S1PR1: variants seen among roughly 807,000 people sequenced by gnomAD.
S1PR1 encodes sphingosine 1-phosphate receptor 1.
A neutral mutation model predicts 18.3 loss-of-function variants in S1PR1; 2 were observed. The ratio of observed to expected loss-of-function variants is 0.11; its 90% CI spans 0.04 to 0.34. S1PR1 has a LOEUF of 0.34. S1PR1 is among the 10% of genes least tolerant of loss of function. The probability of loss-of-function intolerance (pLI) is 1.00; values close to 1 mark genes in which losing one functional copy is unlikely to be tolerated. For missense variants in S1PR1, 335 were observed against 493.8 expected (o/e 0.68, Z 3.05); for synonymous variants, 222 against 211.2 (o/e 1.05, Z -0.44).
At chr1:101,237,693 T>A (rs1411017) in intron 1 of S1PR1, among the ~76,000 whole-genome samples, 1 of 152,020 alleles carries the variant, frequency 6.6e-6, no homozygotes, top group Non-Finnish European at 1.5e-5. Flanking sequence ...AGGAGAGGAG[T>A]CAACGTGTTG....
chr1:101,237,921 T>C (rs1652760240), intron 1 of S1PR1, among the ~76,000 whole-genome samples: 1 of 148,674 alleles, frequency 6.7e-6, no homozygotes, highest in Admixed American at 6.8e-5. Context: ...GTACGAAACT[T>C]CTGGGATTTG....
intron 1 of S1PR1, 136 bp from the exon 2 acceptor site, chr1:101,238,686 T>C: frequency 6.1e-6 from 2 of 328,716 alleles, no homozygotes. Context: ...TTAAAAAAAA[T>C]CTCTCTCCCT....
chr1:101,237,289 T>C (rs143487740), intron 1 of S1PR1, among the ~76,000 whole-genome samples, 190 bp downstream of exon 1: 10 of 152,324 alleles, frequency 6.6e-5, no homozygotes, highest in Non-Finnish European at 1.3e-4. Flanking sequence ...TCTTGGGCAC[T>C]TGTGATTTAT....
chr1:101,239,023 C>A lies in S1PR1; in HGVS notation c.39C>A (p.Arg13=). Residue 13 remains arginine (R), a synonymous_variant, in exon 2 of 2, where the codon CGC becomes CGA. Transcript: ENST00000305352. This position sits in a 1 kb window ranked among gnomAD's most constrained non-coding sequence, Gnocchi z 6.3. ...PTSVPLVKAH[R]SSVSDYVNYD... ...GCGTCCCGCTGGTCAAGGCCCACCGCAGCTCGGTCTCTGACTACGTCAACT... is the reference window on the plus strand; with the variant it reads ...GCGTCCCGCTGGTCAAGGCCCACCGAAGCTCGGTCTCTGACTACGTCAACT... 6.2e-7 allele frequency: 1 copy of A among 1,614,212 alleles called. No homozygotes were observed. Among genetic ancestry groups the A allele is most frequent in the Non-Finnish European group, 8.5e-7 (1 of 1,180,004 alleles).
Position 101,240,064 on chromosome 1 carries a change from C to G in S1PR1, c.1080C>G (p.His360Gln). 1 of 1,613,624 alleles carries G rather than the reference C, an allele frequency of 6.2e-7. No homozygotes were observed. The highest frequency in any genetic ancestry group is 8.5e-7 in the Non-Finnish European group (1 of 1,180,036). The change falls in exon 2 of 2, where the codon CAC becomes CAG. Residue 360 changes from histidine to glutamine, a missense_variant. Physicochemically the swap from His to Gln is conservative, Grantham distance 24 (BLOSUM62 0). Transcript: ENST00000305352. ...FSRSKSDNSS[H>Q]PQKDEGDNPE... ...GCAGCAAATCGGACAATTCCTCCCA[C>G]CCCCAGAAAGACGAAGGGGACAACC...
At position 101,240,734 on chromosome 1, in the gene S1PR1, G is replaced by A. The variant is rs1652863966; in HGVS notation, c.*601G>A. ...AGTACGTAGGCTGTGGGAAGATGAAGATGGTTTGGAGGTGTAAAACAATGT... is the reference window on the plus strand; with the variant it reads ...AGTACGTAGGCTGTGGGAAGATGAAAATGGTTTGGAGGTGTAAAACAATGT... On this transcript the variant is annotated 3_prime_UTR_variant, in exon 2 of 2. Transcript: ENST00000305352. The A allele has an allele frequency of 6.0e-6, 1 of 167,960 alleles. No individual in the cohort carries two copies. Among genetic ancestry groups the A allele is most frequent in the African/African-American group, 2.4e-5 (1 of 41,454 alleles). The allele number at this position is 167,960 out of a possible 1,614,324, so 10.4% of individuals were successfully genotyped here.
intron 1 of S1PR1, among the ~76,000 whole-genome samples, chr1:101,237,897 T>C (rs17100952): frequency 0.043 from 6,560 of 151,752 alleles, 489 homozygotes; most frequent in African/African-American, 0.15. Flanking sequence ...AAAATATTTA[T>C]GCAATCAACT....
Position 101,238,832 on chromosome 1 carries a change from C to T in S1PR1, c.-153C>T. 1 of 703,458 alleles carries T rather than the reference C, an allele frequency of 1.4e-6. No individual in the cohort carries two copies. Among genetic ancestry groups the T allele is most frequent in the South Asian group, 1.9e-5 (1 of 52,284 alleles). 43.6% of individuals were successfully genotyped at this position (703,458 alleles called of 1,614,324 possible). On this transcript the variant is annotated 5_prime_UTR_variant, in exon 2 of 2. Transcript: ENST00000305352. ...TCTGACTTGTTTAAGGCTGCGGTTT[C>T]CGAGGCCCTCTCCAGCCAAGGAAAA... is the stretch of plus-strand genomic sequence containing the variant.
chr1:101,238,495 A>C (rs1652780004), intron 1 of S1PR1, among the ~76,000 whole-genome samples: 1 of 149,164 alleles, frequency 6.7e-6, no homozygotes, highest in Non-Finnish European at 1.5e-5. Flanking sequence ...TAGGTTTCCC[A>C]TTCCTCCCAC....
downstream of S1PR1, among the ~76,000 whole-genome samples, chr1:101,241,746 C>T (rs941478823): frequency 6.6e-6 from 1 of 152,144 alleles, no homozygotes; most frequent in African/African-American, 2.4e-5. Flanking sequence ...ATAAAAACCA[C>T]CAACCTTCTG....
rs200122634 is a variant in S1PR1 at position 101,237,080 on chromosome 1, C to T, written c.-183C>T. On this transcript the variant is annotated 5_prime_UTR_variant, in exon 1 of 2. Coordinates refer to ENST00000305352, the MANE Select transcript of S1PR1 (RefSeq NM_001400.5). The stretch of plus-strand genomic sequence containing the variant: ...CAGATCCCGGGCTCTCCGAACGCAA[C>T]TTCGCCCTGCTTGAGCGAGGTAGGG... The T allele has an allele frequency of 6.6e-6, 1 of 152,292 alleles. No homozygotes were observed. Among genetic ancestry groups the T allele is most frequent in the Non-Finnish European group, 1.5e-5 (1 of 68,038 alleles). The allele number at this position is 152,292 out of a possible 1,614,324, so 9.4% of individuals were successfully genotyped here.
Position 101,240,158 on chromosome 1 carries a change from A to C in S1PR1, c.*25A>C. ...GAACTGGAAGCTGTCCACCCACCGG[A>C]AGCGCTCTTTACTTGGTCGCTGGCC... is the stretch of plus-strand genomic sequence containing the variant. On this transcript the variant is annotated 3_prime_UTR_variant, in exon 2 of 2. Coordinates refer to ENST00000305352, the MANE Select transcript of S1PR1 (RefSeq NM_001400.5). 1 of 1,612,580 alleles carries C rather than the reference A, an allele frequency of 6.2e-7. No homozygotes were observed. The highest frequency in any genetic ancestry group is 8.5e-7 in the Non-Finnish European group (1 of 1,179,752).
chr1:101,239,673 C>A lies in S1PR1; in HGVS notation c.689C>A (p.Thr230Asn), dbSNP rs757624744. ...TGCAGAATCTACTCCTTGGTCAGGA[C>A]TCGGAGCCGCCGCCTGACGTTCCGC... ...LYCRIYSLVR[T>N]RSRRLTFRKN... is the part of the protein sequence containing the mutation. The change falls in exon 2 of 2, where the codon ACT becomes AAT. Residue 230 changes from threonine (T) to asparagine (N), a missense_variant. Coordinates refer to ENST00000305352, the MANE Select transcript of S1PR1 (RefSeq NM_001400.5). This position sits in a 1 kb window ranked among gnomAD's most constrained non-coding sequence, Gnocchi z 6.3. The A allele has an allele frequency of 6.2e-7, 1 of 1,614,142 alleles. No individual in the cohort carries two copies. Among genetic ancestry groups the A allele is most frequent in the Admixed American group, 1.7e-5 (1 of 60,028 alleles).
upstream of S1PR1, chr1:101,237,018 C>G (rs1652707116): frequency 2.0e-5 from 3 of 152,328 alleles, no homozygotes; most frequent in South Asian, 6.2e-4. Flanking sequence ...ACTACGCAGT[C>G]AGTCGGGGGC....
Position 101,240,126 on chromosome 1 carries a change from C to T in S1PR1, c.1142C>T (p.Ser381Phe). The part of the protein sequence containing the change: ...TIMSSGNVNS[S>F]S Reference sequence around the variant, plus strand: ...ATGTCTTCTGGAAACGTCAACTCTTCTTCCTAGAACTGGAAGCTGTCCACC... The same window carrying T: ...ATGTCTTCTGGAAACGTCAACTCTTTTTCCTAGAACTGGAAGCTGTCCACC... The change falls in exon 2 of 2, where the codon TCT becomes TTT. Residue 381 changes from serine (S) to phenylalanine (F), a missense_variant. Physicochemically the swap from Ser to Phe is radical, Grantham distance 155. This residue lies in a region of S1PR1 where 90 missense variants were observed against 97.6 expected (regional missense o/e 0.92). Transcript: ENST00000305352. 1 of 1,613,106 alleles carries T rather than the reference C, an allele frequency of 6.2e-7. No individual in the cohort carries two copies. The highest frequency in any genetic ancestry group is 8.5e-7 in the Non-Finnish European group (1 of 1,180,046).
In S1PR1 at chr1:101,239,989, C is replaced by T; in HGVS notation, c.1005C>T (p.Asp335=). 1 of 1,614,142 alleles carries T rather than the reference C, an allele frequency of 6.2e-7. No homozygotes were observed. The highest frequency in any genetic ancestry group is 8.5e-7 in the Non-Finnish European group (1 of 1,180,032). ...IMSCCKCPSG[D]SAGKFKRPII... ...CCTGCTGCAAGTGCCCGAGCGGAGA[C>T]TCTGCTGGCAAATTCAAGCGACCCA... is the stretch of plus-strand genomic sequence containing the variant. Residue 335 remains aspartate (D), a synonymous_variant, in exon 2 of 2, where the codon GAC becomes GAT. Coordinates refer to ENST00000305352, the MANE Select transcript of S1PR1 (RefSeq NM_001400.5). The surrounding 1 kb of genome is among the most constrained non-coding windows in gnomAD (Gnocchi z 6.3).
In S1PR1 at chr1:101,240,216, C is replaced by A; in HGVS notation, c.*83C>A. On this transcript the variant is annotated 3_prime_UTR_variant, in exon 2 of 2. Transcript: ENST00000305352. ...TGTTTGGAAAAAAATCTCTGGGCTT[C>A]GACTGCTGCCAGGGAGGAGCTGCTG... The A allele has an allele frequency of 6.9e-7, 1 of 1,447,950 alleles. No individual in the cohort carries two copies. Among genetic ancestry groups the A allele is most frequent in the South Asian group, 1.2e-5 (1 of 81,334 alleles). 89.7% of individuals were successfully genotyped at this position (1,447,950 alleles called of 1,614,324 possible).
rs1652854450 is a variant in S1PR1, at chr1:101,240,479, G to A, written c.*346G>A. The A allele has an allele frequency of 3.3e-6, 1 of 300,146 alleles. No individual in the cohort carries two copies. Among genetic ancestry groups the A allele is most frequent in the South Asian group, 5.6e-5 (1 of 17,984 alleles). The allele number at this position is 300,146 out of a possible 1,614,324, so 18.6% of individuals were successfully genotyped here. A position where few individuals can be genotyped will look rare whatever the true frequency, so the allele number is the denominator to read the frequency against. On this transcript the variant is annotated 3_prime_UTR_variant, in exon 2 of 2. Transcript: ENST00000305352. ...AAGACTAATGTCCCCATGTGAAAGC[G>A]TCTCTTTGTCTGGAGCTTTGAGGAG... is the stretch of plus-strand genomic sequence containing the variant.
intron 1 of S1PR1, 127 bp downstream of exon 1, chr1:101,237,226 C>G (rs1387249381): frequency 6.6e-6 from 1 of 152,170 alleles, no homozygotes; most frequent in Non-Finnish European, 1.5e-5. Context: ...CATCTCCGGG[C>G]GCTGAAAATT....
Sources: allele counts gnomAD v4.1 joint callset (sites outside exome capture counted in the v4.1 genomes callset), GRCh38; gene constraint gnomAD v4.1.1; regional missense constraint gnomAD v4.1.1; non-coding constraint Gnocchi (gnomAD v3.1); transcripts MANE v1.5; gene names NCBI Gene and HGNC (gene_info 2026-07-23, HGNC 2026-07-21).